Variants in ENPP2 observed in about 807,000 individuals in gnomAD.
The protein encoded by ENPP2 is autotaxin.
A neutral mutation model predicts 120.2 loss-of-function variants in ENPP2; 51 were observed. The ratio of observed to expected loss-of-function variants is 0.42; its 90% CI spans 0.34 to 0.54. The LOEUF (loss-of-function observed/expected upper bound fraction) is 0.54, where lower values mean the gene tolerates loss of function less well. Among genes scored for constraint, ENPP2 ranks in the 20% least tolerant of loss-of-function variants. The pLI is 0.04. For missense variants in ENPP2, 920 were observed against 1,066.5 expected (o/e 0.86, Z 1.91); for synonymous variants, 365 against 366.4 (o/e 1.00, Z 0.04).
chr8:119,670,648 A>G (rs539337439), intron 1 of ENPP2, among the ~76,000 whole-genome samples: 1 of 152,244 alleles, frequency 6.6e-6, no homozygotes, highest in Non-Finnish European at 1.5e-5. Flanking sequence ...AGGAAGGATG[A>G]TCTGCATCGT....
intron 12 of ENPP2, among the ~76,000 whole-genome samples, chr8:119,593,426 A>C (rs1437276301): frequency 6.6e-6 from 1 of 152,166 alleles, no homozygotes. Flanking sequence ...TTATCACCTG[A>C]TATGTCACAT....
At chr8:119,603,399 T>C (rs141290494) in intron 9 of ENPP2, among the ~76,000 whole-genome samples, 2 of 152,290 alleles carry the variant, frequency 1.3e-5, no homozygotes, top group Admixed American at 6.5e-5. Flanking sequence ...AAGCTCAGAA[T>C]GCTCACCCCT....
chr8:119,642,301 C>G (rs1817307019), upstream of ENPP2, among the ~76,000 whole-genome samples: 1 of 152,038 alleles, frequency 6.6e-6, no homozygotes, highest in East Asian at 1.9e-4. Flanking sequence ...CTTTTCTGCT[C>G]CAGAATTTCT....
At chr8:119,667,373 T>C (rs1818104475) in intron 1 of ENPP2, among the ~76,000 whole-genome samples, 1 of 152,236 alleles carries the variant, frequency 6.6e-6, no homozygotes, top group Non-Finnish European at 1.5e-5. Flanking sequence ...TAGAAAATTC[T>C]TTATTGTATT....
chr8:119,578,287 C>T (rs1812488156), intron 19 of ENPP2: 1 of 152,176 alleles, frequency 6.6e-6, no homozygotes, highest in African/African-American at 2.4e-5. Flanking sequence ...CTCCTGACCT[C>T]AGGTAATCCA....
At chr8:119,563,257 T>A (rs1042274329) in intron 23 of ENPP2, among the ~76,000 whole-genome samples, 1 of 152,168 alleles carries the variant, frequency 6.6e-6, no homozygotes, top group Non-Finnish European at 1.5e-5. Context: ...GAAAATGGAT[T>A]GATCTAAGAA....
At chr8:119,626,250 CA>C (rs1220390609) in intron 3 of ENPP2, among the ~76,000 whole-genome samples, 2 of 152,108 alleles carry the variant, frequency 1.3e-5, no homozygotes, top group Non-Finnish European at 2.9e-5. Flanking sequence ...CAAGCCCTAG[CA>C]GTGAATGTGG....
chr8:119,574,355 C>T (rs1268520082), intron 19 of ENPP2, among the ~76,000 whole-genome samples: 2 of 151,572 alleles, frequency 1.3e-5, no homozygotes, highest in East Asian at 1.9e-4. Context: ...CAAGCCTCTG[C>T]TTCTGCAATA....
intron 1 of ENPP2, among the ~76,000 whole-genome samples, chr8:119,661,953 G>C (rs892843461): frequency 6.6e-6 from 1 of 152,086 alleles, no homozygotes; most frequent in South Asian, 2.1e-4. Flanking sequence ...GCATTTATAT[G>C]TGGAATCTAA....
intron 8 of ENPP2, among the ~76,000 whole-genome samples, chr8:119,614,383 G>C (rs1815323564): frequency 6.6e-6 from 1 of 152,010 alleles, no homozygotes; most frequent in Non-Finnish European, 1.5e-5. Context: ...GAATTCTTAT[G>C]GTGGCCATCT....
intron 19 of ENPP2, among the ~76,000 whole-genome samples, chr8:119,575,868 T>C (rs994628311): frequency 1.3e-5 from 2 of 152,222 alleles, no homozygotes; most frequent in Admixed American, 6.5e-5. Context: ...ATCAAATTCA[T>C]CTTGAATTCT....
At chr8:119,596,604 C>T (rs1440888175) in intron 11 of ENPP2, among the ~76,000 whole-genome samples, 3 of 152,166 alleles carry the variant, frequency 2.0e-5, no homozygotes, top group East Asian at 1.9e-4. Flanking sequence ...TAATCATAAA[C>T]GTACTCCCAC....
intron 20 of ENPP2, among the ~76,000 whole-genome samples, chr8:119,570,025 T>G (rs1315117409): frequency 6.6e-6 from 1 of 151,998 alleles, no homozygotes; most frequent in Non-Finnish European, 1.5e-5. Flanking sequence ...TCCCAGCACT[T>G]TGGGAGGCCG....
intron 8 of ENPP2, among the ~76,000 whole-genome samples, chr8:119,615,331 C>T (rs1815384813): frequency 6.6e-6 from 1 of 152,182 alleles, no homozygotes; most frequent in Non-Finnish European, 1.5e-5. Context: ...TTCTGATTGC[C>T]TGTGTGCCCT....
upstream of ENPP2, among the ~76,000 whole-genome samples, chr8:119,642,471 T>C (rs1338472745): frequency 6.6e-6 from 1 of 152,192 alleles, no homozygotes; most frequent in African/African-American, 2.4e-5. Context: ...ATACAATATC[T>C]ATGTTTCCTC....
intron 11 of ENPP2, among the ~76,000 whole-genome samples, chr8:119,598,075 G>A (rs1402354996): frequency 6.6e-6 from 1 of 152,118 alleles, no homozygotes; most frequent in East Asian, 1.9e-4. Flanking sequence ...ATATAGGTAG[G>A]CATATAGGAT....
At chr8:119,646,198 T>C (rs1201571709) in intron 1 of ENPP2, among the ~76,000 whole-genome samples, 1 of 152,116 alleles carries the variant, frequency 6.6e-6, no homozygotes, top group Admixed American at 6.5e-5. Flanking sequence ...CTCGATCTCC[T>C]GACCTCGTGA....
intron 8 of ENPP2, among the ~76,000 whole-genome samples, chr8:119,613,119 A>G (rs1358801209): frequency 6.6e-6 from 1 of 152,128 alleles, no homozygotes; most frequent in Non-Finnish European, 1.5e-5. Flanking sequence ...TTTGTATTAG[A>G]AATTGCAGGA....
chr8:119,595,737 A>G (rs1263868311), intron 11 of ENPP2: 12 of 1,019,884 alleles, frequency 1.2e-5, no homozygotes, highest in Non-Finnish European at 1.6e-5. Flanking sequence ...AGGTCAATGC[A>G]CCAGAGTTTT....
Sources: allele counts gnomAD v4.1 joint callset (sites outside exome capture counted in the v4.1 genomes callset), GRCh38; gene constraint gnomAD v4.1.1; transcripts MANE v1.5; gene names NCBI Gene and HGNC (gene_info 2026-07-23, HGNC 2026-07-21).